TSHR: variants seen among roughly 807,000 people sequenced by gnomAD.
TSHR encodes the protein thyrotropin receptor.
In TSHR, 51 loss-of-function variants were observed where a neutral mutation model predicts 64.1. The ratio of observed to expected loss-of-function variants is 0.80; its 90% CI spans 0.64 to 1.01. The LOEUF is 1.01. Ranked by LOEUF, TSHR falls within the 50% of genes least tolerant of loss-of-function variation. The probability of loss-of-function intolerance (pLI) is 0.00; values close to 1 mark genes in which losing one functional copy is unlikely to be tolerated. For synonymous variants in TSHR, 361 were observed against 361.9 expected (o/e 1.00, Z 0.03); for missense variants, 877 against 942.8 (o/e 0.93, Z 0.91).
At position 80,962,829 on chromosome 14, in the gene TSHR, A is replaced by AT. The variant is rs143575440; in HGVS notation, c.170+6981dup. Among the ~76,000 whole-genome samples the AT allele has an allele frequency of 4.3e-3, 649 of 152,308 alleles. 2 individuals carry two copies. Among genetic ancestry groups the AT allele is most frequent in the Middle Eastern group, 0.01 (3 of 294 alleles). On this transcript the variant is annotated intron_variant, in intron 1 of 9. Transcript: ENST00000298171. ...CAATCCGTAGACAAAATTGTTTTGC[A>AT]TTGCTACAATTATCTACAATCTAGA...
At chr14:80,955,871 A>C in intron 1 of TSHR, 21 bp downstream of exon 1, 1 of 1,614,064 alleles carries the variant, frequency 6.2e-7, no homozygotes, top group Non-Finnish European at 8.5e-7. Flanking sequence ...GGGAGAGATC[A>C]GGGTAGGACC....
At chr14:81,024,865 T>C (rs1250354281) in intron 1 of TSHR, among the ~76,000 whole-genome samples, 1 of 152,106 alleles carries the variant, frequency 6.6e-6, no homozygotes, top group Non-Finnish European at 1.5e-5. Flanking sequence ...TCCCATGGTG[T>C]TATTCAAGGT....
chr14:81,143,030 G>A lies in TSHR; in HGVS notation c.972G>A (p.Gln324=), dbSNP rs2140108805. The A allele has an allele frequency of 6.2e-7, 1 of 1,614,162 alleles. No individual in the cohort carries two copies. Among genetic ancestry groups the A allele is most frequent in the Non-Finnish European group, 8.5e-7 (1 of 1,180,036 alleles). ...ATGCCTTGAATAGCCCCCTCCACCAGGAATATGAAGAGAATCTGGGTGACA... is the reference window on the plus strand; with the variant it reads ...ATGCCTTGAATAGCCCCCTCCACCAAGAATATGAAGAGAATCTGGGTGACA... ...SVNALNSPLH[Q]EYEENLGDSI... Residue 324 remains glutamine, a synonymous_variant, in exon 10 of 10, where the codon CAG becomes CAA. Transcript: ENST00000298171.
At chr14:81,081,262 ATATG>A (rs535066739) in intron 3 of TSHR, among the ~76,000 whole-genome samples, 2 of 152,288 alleles carry the variant, frequency 1.3e-5, no homozygotes, top group African/African-American at 4.8e-5. Context: ...TTTAAAATAT[ATATG>A]TATGTATGTA....
At chr14:81,044,170 G>A (rs980590525) in intron 1 of TSHR, among the ~76,000 whole-genome samples, 14 of 152,090 alleles carry the variant, frequency 9.2e-5, no homozygotes, top group Non-Finnish European at 1.3e-4. Context: ...TGGGAGAAAA[G>A]TTTTGGAATG....
intron 1 of TSHR, among the ~76,000 whole-genome samples, chr14:81,042,829 G>A (rs982213235): frequency 2.0e-5 from 3 of 152,070 alleles, no homozygotes; most frequent in Non-Finnish European, 4.4e-5. Context: ...AATGTATAAG[G>A]TAATTGATAT....
chr14:81,095,299 A>G (rs10142959), intron 6 of TSHR: 39,376 of 152,312 alleles, frequency 0.26, 7,553 homozygotes, highest in African/African-American at 0.54. Context: ...GGCCAGGCAC[A>G]GTGGCTCACG....
intron 8 of TSHR, among the ~76,000 whole-genome samples, chr14:81,111,675 T>C (rs1036818045): frequency 6.6e-6 from 1 of 152,190 alleles, no homozygotes; most frequent in African/African-American, 2.4e-5. Flanking sequence ...CTTCCTACTG[T>C]CTGGAAAACC....
At chr14:81,102,908 C>T (rs1311797883) in intron 7 of TSHR, 1 of 985,238 alleles carries the variant, frequency 1.0e-6, no homozygotes, top group Non-Finnish European at 1.2e-6. Context: ...AGTACAGATC[C>T]AATCATAATA....
intron 1 of TSHR, among the ~76,000 whole-genome samples, chr14:80,969,836 T>C (rs1009652451): frequency 3.3e-5 from 5 of 152,236 alleles, no homozygotes; most frequent in Non-Finnish European, 7.3e-5. Context: ...CCCCCATAGA[T>C]ATAGCCATAT....
intron 8 of TSHR, among the ~76,000 whole-genome samples, chr14:81,114,218 G>A (rs1328576925): frequency 2.0e-5 from 3 of 151,938 alleles, no homozygotes; most frequent in African/African-American, 7.3e-5. Flanking sequence ...ACAGCTCCCA[G>A]CGTCAGCGAC....
chr14:81,060,639 C>T (rs1886168750), intron 1 of TSHR, among the ~76,000 whole-genome samples: 1 of 151,988 alleles, frequency 6.6e-6, no homozygotes. Context: ...ATGAATACTT[C>T]AAAGAAAGCA....
At chr14:81,129,348 A>G (rs1891143623) in intron 8 of TSHR, among the ~76,000 whole-genome samples, 1 of 152,142 alleles carries the variant, frequency 6.6e-6, no homozygotes, top group South Asian at 2.1e-4. Flanking sequence ...CTTAAATGCC[A>G]TGTTCTGTCA....
intron 1 of TSHR, among the ~76,000 whole-genome samples, chr14:81,043,653 C>G (rs1431243717): frequency 1.3e-5 from 2 of 152,060 alleles, no homozygotes; most frequent in Non-Finnish European, 2.9e-5. Context: ...AAGAACAAAG[C>G]TGGAGGCATC....
chr14:81,121,176 C>CAAA lies in TSHR; in HGVS notation c.692+12731_692+12733dup, dbSNP rs79487366. ...AAAGACCCACGGAGAACCCATATGG[C>CAAA]AAAAAAAAAGGGTGGGGAGGCATGA... On this transcript the variant is annotated intron_variant, in intron 8 of 9. Transcript: ENST00000298171. Among the ~76,000 whole-genome samples the CAAA allele has an allele frequency of 1.2e-4, 17 of 147,486 alleles. No individual in the cohort carries two copies. The South Asian group carries it at 2.4e-3, about 21-fold the overall frequency.
intron 1 of TSHR, chr14:80,983,045 A>T: frequency 1.8e-6 from 1 of 547,622 alleles, no homozygotes; most frequent in Non-Finnish European, 3.3e-6. Flanking sequence ...CATAACGTTC[A>T]CCCATTTGCC....
intron 1 of TSHR, chr14:80,993,319 C>A (rs927363255): frequency 6.6e-6 from 1 of 152,146 alleles, no homozygotes. Context: ...TTCTTGTAAT[C>A]CTGTCTGTAC....
At position 81,068,257 on chromosome 14, in the gene TSHR, C is replaced by T. The variant is rs1250056566; in HGVS notation, c.246C>T (p.Tyr82=). 1.2e-5 allele frequency: 20 copies of T among 1,612,536 alleles called. No homozygotes were observed. The highest frequency in any genetic ancestry group is 6.7e-5 in the African/African-American group (5 of 74,850). Residue 82 remains tyrosine, a synonymous_variant, in exon 3 of 10, where the codon TAC becomes TAT. Transcript: ENST00000298171. ...CTTATATTTTTCTGACATTCAGCTA[C>T]GTATCTATAGATGTGACTCTGCAGC... ...FSNLPNISRI[Y]VSIDVTLQQL...
chr14:81,100,090 G>C (rs201388150), intron 7 of TSHR, among the ~76,000 whole-genome samples: 2 of 152,250 alleles, frequency 1.3e-5, no homozygotes, highest in East Asian at 3.9e-4. Context: ...GGGAGAGGGG[G>C]AGCTATGTTC....
Sources: gnomAD v4.1 joint callset for allele counts (sites outside exome capture counted in the v4.1 genomes callset) on GRCh38, gnomAD v4.1.1 for gene constraint, MANE v1.5 for transcripts, NCBI Gene and HGNC (gene_info 2026-07-23, HGNC 2026-07-21) for gene names.